The following BCAT1 variants were observed in gnomAD, a reference collection of about 807,000 sequenced individuals.
BCAT1 encodes branched-chain-amino-acid aminotransferase, cytosolic.
BCAT1 carries 48 observed loss-of-function variants against 52.4 expected under a neutral mutation model. The observed-to-expected ratio is 0.92, with a 90% CI of 0.73 to 1.16. BCAT1 has a LOEUF of 1.16. Among genes scored for constraint, BCAT1 ranks in the 50% most tolerant of loss-of-function variants. BCAT1 has a pLI of 0.00. For synonymous variants in BCAT1, 167 were observed against 161.3 expected (o/e 1.04, Z -0.27); for missense variants, 451 against 457.1 (o/e 0.99, Z 0.12).
At position 24,814,894 on chromosome 12, in the gene BCAT1, T is replaced by C. The variant is rs947979848; in HGVS notation, c.*3114A>G. ...GTTTACCAGGTAGAAAAAACCTGAT[T>C]CCTTAACAAGACTTCTCAGTCACTT... On this transcript the variant is annotated 3_prime_UTR_variant, in exon 11 of 11. Transcript: ENST00000261192. 2.6e-5 allele frequency: 4 copies of C among 151,318 alleles called. No homozygotes were observed. Among genetic ancestry groups the C allele is most frequent in the African/African-American group, 9.7e-5 (4 of 41,206 alleles). 9.4% of individuals were successfully genotyped at this position (151,318 alleles called of 1,614,324 possible).
chr12:24,900,701 G>A (rs1943079489), intron 2 of BCAT1, among the ~76,000 whole-genome samples: 1 of 152,226 alleles, frequency 6.6e-6, no homozygotes, highest in Non-Finnish European at 1.5e-5. Flanking sequence ...AGCACTTTGG[G>A]AGGTGGATTG....
chr12:24,837,079 G>C, intron 7 of BCAT1, among the ~76,000 whole-genome samples: 1 of 101,784 alleles, frequency 9.8e-6, no homozygotes, highest in Non-Finnish European at 2.2e-5. Context: ...GAAAGAGAGA[G>C]GGAGGGAGGG....
At chr12:24,844,443 T>A (rs965517389) in intron 6 of BCAT1, among the ~76,000 whole-genome samples, 69 of 151,652 alleles carry the variant, frequency 4.5e-4, no homozygotes, top group African/African-American at 9.4e-4. Context: ...AAAAAATAAA[T>A]AAATAAATAA....
intron 4 of BCAT1, among the ~76,000 whole-genome samples, chr12:24,879,935 C>A (rs905623823): frequency 3.3e-5 from 5 of 152,186 alleles, no homozygotes; most frequent in Non-Finnish European, 7.3e-5. Context: ...CTTCCCTTTC[C>A]TTCCAGCCCC....
At chr12:24,848,637 T>C (rs1278033002) in intron 6 of BCAT1, among the ~76,000 whole-genome samples, 2 of 152,192 alleles carry the variant, frequency 1.3e-5, no homozygotes, top group Admixed American at 1.3e-4. Flanking sequence ...GGTATATATA[T>C]GGTATGCAGT....
chr12:24,886,744 G>C (rs1591839811), intron 3 of BCAT1, among the ~76,000 whole-genome samples: 2 of 150,546 alleles, frequency 1.3e-5, no homozygotes, highest in African/African-American at 4.9e-5. Flanking sequence ...TAATGACTGA[G>C]CCAGCACTTT....
At chr12:24,924,569 G>A (rs893666913) in intron 1 of BCAT1, among the ~76,000 whole-genome samples, 5 of 152,058 alleles carry the variant, frequency 3.3e-5, no homozygotes, top group Non-Finnish European at 7.4e-5. Context: ...CCAAGAATTA[G>A]AGCCTGGCTC....
chr12:24,851,075 A>T (rs1041585422), intron 5 of BCAT1, among the ~76,000 whole-genome samples: 1 of 152,150 alleles, frequency 6.6e-6, no homozygotes, highest in Admixed American at 6.5e-5. Context: ...AAGGAAGAAA[A>T]CTGAGAGACC....
intron 1 of BCAT1, among the ~76,000 whole-genome samples, chr12:24,918,169 G>A (rs1943447116): frequency 6.6e-6 from 1 of 152,198 alleles, no homozygotes; most frequent in East Asian, 1.9e-4. Context: ...GAAGGGGAAG[G>A]TCCCCATGAG....
At chr12:24,848,166 T>C (rs12230878) in intron 6 of BCAT1, among the ~76,000 whole-genome samples, 15,046 of 152,254 alleles carry the variant, frequency 0.099, 944 homozygotes, top group Non-Finnish European at 0.13. Flanking sequence ...TTTCCATGGA[T>C]CATAGTCCAC....
intron 9 of BCAT1, among the ~76,000 whole-genome samples, chr12:24,832,146 T>C (rs564622082): frequency 1.3e-5 from 2 of 152,238 alleles, no homozygotes; most frequent in Non-Finnish European, 2.9e-5. Flanking sequence ...AACCAGAAAC[T>C]GAAATGTAAC....
rs1319622101 is a variant in BCAT1 at position 24,836,969 on chromosome 12, G to C, written c.818-373C>G. Among the ~76,000 whole-genome samples the C allele has an allele frequency of 1.5e-5, 2 of 133,904 alleles. 1 individual carries two copies. The highest frequency in any genetic ancestry group is 5.6e-5 in the African/African-American group (2 of 35,642). The allele number at this position is 133,904 out of a possible 152,430, so 87.8% of individuals were successfully genotyped here. A position where few individuals can be genotyped will look rare whatever the true frequency, so the allele number is the denominator to read the frequency against. On this transcript the variant is annotated intron_variant, in intron 7 of 10. Transcript: ENST00000261192. ...AAGAAAGAAAGAAAAGAGAAAGAAA[G>C]AAAGAGAGAGAGGGAGGGAGGGAGG...
At position 24,813,132 on chromosome 12, in the gene BCAT1, G is replaced by A. The variant is rs1312963803; in HGVS notation, c.*4876C>T. The A allele has an allele frequency of 6.6e-6, 1 of 151,644 alleles. No individual in the cohort carries two copies. 9.4% of individuals were successfully genotyped at this position (151,644 alleles called of 1,614,324 possible). ...TTTTGAAGCAAATATGTTTATATAT[G>A]TCTGACCCCAGGAAATTATTTACCC... On this transcript the variant is annotated 3_prime_UTR_variant, in exon 11 of 11. Coordinates refer to ENST00000261192, the MANE Select transcript of BCAT1 (RefSeq NM_005504.7).
chr12:24,943,587 G>T (rs1282842831), intron 1 of BCAT1, among the ~76,000 whole-genome samples: 1 of 151,408 alleles, frequency 6.6e-6, no homozygotes, highest in African/African-American at 2.4e-5. Context: ...TAGACTAGGA[G>T]TCTGTCTACT....
intron 3 of BCAT1, among the ~76,000 whole-genome samples, chr12:24,888,326 C>G (rs1298169317): frequency 1.3e-5 from 2 of 152,152 alleles, no homozygotes; most frequent in African/African-American, 2.4e-5. Context: ...TGATGAAACC[C>G]TGTCTCTACT....
intron 9 of BCAT1, among the ~76,000 whole-genome samples, chr12:24,831,780 A>T (rs1420149779): frequency 9.9e-5 from 15 of 152,264 alleles, no homozygotes; most frequent in Non-Finnish European, 2.2e-4. Context: ...TATAAGACTA[A>T]TACTTACATG....
intron 4 of BCAT1, among the ~76,000 whole-genome samples, chr12:24,880,587 C>G (rs1942464382): frequency 6.6e-6 from 1 of 152,100 alleles, no homozygotes; most frequent in African/African-American, 2.4e-5. Flanking sequence ...GATAAAATAT[C>G]AAAATAATTA....
At chr12:24,901,778 T>C (rs764837735) in intron 2 of BCAT1, 36 bp downstream of exon 2, 1 of 1,597,006 alleles carries the variant, frequency 6.3e-7, no homozygotes. Flanking sequence ...CAGTTGAACG[T>C]TGCTTTAGAC....
intron 5 of BCAT1, among the ~76,000 whole-genome samples, chr12:24,852,099 T>C (rs963680594): frequency 4.6e-5 from 7 of 152,156 alleles, no homozygotes; most frequent in Non-Finnish European, 8.8e-5. Flanking sequence ...GCACTTCCCC[T>C]GTGCTCTCCC....
Sources: gnomAD v4.1 joint callset for allele counts (sites outside exome capture counted in the v4.1 genomes callset) on GRCh38, gnomAD v4.1.1 for gene constraint, MANE v1.5 for transcripts, NCBI Gene and HGNC (gene_info 2026-07-23, HGNC 2026-07-21) for gene names.